Variants in CNTNAP2 observed in about 807,000 individuals in gnomAD.
The protein encoded by CNTNAP2 is contactin associated protein 2.
In CNTNAP2, 98 loss-of-function variants were observed where a neutral mutation model predicts 155.2. The ratio of observed to expected loss-of-function variants is 0.63; its 90% CI spans 0.54 to 0.75. The LOEUF is 0.75. CNTNAP2 is among the 30% of genes least tolerant of loss of function. The probability of loss-of-function intolerance (pLI) is 0.00; values close to 1 mark genes in which losing one functional copy is unlikely to be tolerated. For synonymous variants in CNTNAP2, 651 were observed against 631.2 expected (o/e 1.03, Z -0.47); for missense variants, 1,727 against 1,688.1 (o/e 1.02, Z -0.40).
chr7:146,680,012 T>C (rs974078691), intron 1 of CNTNAP2, among the ~76,000 whole-genome samples: 5 of 152,188 alleles, frequency 3.3e-5, no homozygotes, highest in African/African-American at 9.7e-5. Flanking sequence ...CATTTAAAAA[T>C]ACATATGTAG....
chr7:147,247,773 A>G (rs547250052), intron 8 of CNTNAP2, among the ~76,000 whole-genome samples: 4 of 152,304 alleles, frequency 2.6e-5, no homozygotes, highest in Admixed American at 2.6e-4. Context: ...TAGGGACTAA[A>G]TGTTACATAT....
chr7:148,312,639 G>A (rs1383958739), intron 21 of CNTNAP2, among the ~76,000 whole-genome samples: 1 of 152,060 alleles, frequency 6.6e-6, no homozygotes, highest in Non-Finnish European at 1.5e-5. Flanking sequence ...TGGTTGATAA[G>A]GCGCAGATCC....
chr7:147,328,823 C>T (rs953166046), intron 9 of CNTNAP2, among the ~76,000 whole-genome samples: 3 of 128,448 alleles, frequency 2.3e-5, no homozygotes, highest in Non-Finnish European at 4.9e-5. Context: ...TCTCTTGGTG[C>T]AGCAGTGGTT....
intron 4 of CNTNAP2, among the ~76,000 whole-genome samples, chr7:147,061,787 AC>A (rs1207715377): frequency 1.3e-5 from 2 of 152,200 alleles, no homozygotes; most frequent in Non-Finnish European, 2.9e-5. Flanking sequence ...ACAAAAAAAC[AC>A]TAGCTGAATA....
In CNTNAP2 at chr7:146,993,485, T is replaced by G. The variant is rs571948479; in HGVS notation, c.403-50422T>G. Among the ~76,000 whole-genome samples, 141 of 152,040 alleles carry G rather than the reference T, an allele frequency of 9.3e-4. 1 individual carries two copies. The highest frequency in any genetic ancestry group is 4.9e-4 in the Non-Finnish European group (33 of 67,956). Reference sequence around the variant, plus strand: ...TGCTGATTGCATCACCAGTTTCAGGTTTTTTTTCTATCTATTGGGAGACTG... The same window carrying G: ...TGCTGATTGCATCACCAGTTTCAGGGTTTTTTTCTATCTATTGGGAGACTG... On this transcript the variant is annotated intron_variant, in intron 3 of 23. Transcript: ENST00000361727.
intron 1 of CNTNAP2, among the ~76,000 whole-genome samples, chr7:146,565,878 A>G (rs554260837): frequency 6.6e-6 from 1 of 152,390 alleles, no homozygotes; most frequent in Non-Finnish European, 1.5e-5. Flanking sequence ...CTATATTTGC[A>G]GAGTAATCAA....
At chr7:146,801,351 C>T (rs1802874231) in intron 2 of CNTNAP2, among the ~76,000 whole-genome samples, 1 of 152,142 alleles carries the variant, frequency 6.6e-6, no homozygotes, top group South Asian at 2.1e-4. Flanking sequence ...ACATTTGTGG[C>T]CACATTTCCA....
In CNTNAP2 at chr7:146,839,794, A is replaced by G. The variant is rs760112389; in HGVS notation, c.292A>G (p.Ile98Val). The stretch of plus-strand genomic sequence containing the variant: ...TGGCAATCGGAAGCAGATCAGTGCC[A>G]TTGCAACCCAAGGAAGGTATAGCAG... ...DFGNRKQISA[I>V]ATQGRYSSSD... is the part of the protein sequence containing the mutation. Residue 98 changes from isoleucine to valine, a missense_variant, in exon 3 of 24, where the codon ATT (isoleucine) becomes GTT (valine). Physicochemically the swap from Ile to Val is conservative, Grantham distance 29 (BLOSUM62 3). Transcript: ENST00000361727. 4 of 1,614,184 alleles carry G rather than the reference A, an allele frequency of 2.5e-6. No homozygotes were observed. The highest frequency in any genetic ancestry group is 3.4e-6 in the Non-Finnish European group (4 of 1,180,024).
At chr7:147,562,399 G>T in intron 12 of CNTNAP2, 142 bp downstream of exon 12, 1 of 1,093,390 alleles carries the variant, frequency 9.1e-7, no homozygotes, top group Non-Finnish European at 1.4e-6. Context: ...TGTTAGATAA[G>T]ATGATGAAAT....
intron 1 of CNTNAP2, among the ~76,000 whole-genome samples, chr7:146,328,463 T>C (rs927715437): frequency 3.9e-5 from 6 of 152,050 alleles, no homozygotes; most frequent in African/African-American, 1.4e-4. Flanking sequence ...ATTTGTACAT[T>C]GTGAAAAGAC....
intron 1 of CNTNAP2, among the ~76,000 whole-genome samples, chr7:146,261,507 C>CA (rs1269058729): frequency 3.3e-5 from 5 of 151,562 alleles, no homozygotes; most frequent in African/African-American, 1.2e-4. Flanking sequence ...GAGGGCACAC[C>CA]AAAAAATCAC....
At chr7:146,730,018 CAATT>C (rs1364343947) in intron 1 of CNTNAP2, among the ~76,000 whole-genome samples, 1 of 152,066 alleles carries the variant, frequency 6.6e-6, no homozygotes, top group Non-Finnish European at 1.5e-5. Context: ...GCTTCATACA[CAATT>C]AATTGTGAGC....
At chr7:146,517,965 A>G (rs933324196) in intron 1 of CNTNAP2, among the ~76,000 whole-genome samples, 3 of 151,932 alleles carry the variant, frequency 2.0e-5, no homozygotes, top group South Asian at 2.1e-4. Flanking sequence ...GAGATCTACT[A>G]TTAAGATTCC....
intron 13 of CNTNAP2, among the ~76,000 whole-genome samples, chr7:147,761,935 C>T (rs751840713): frequency 1.3e-5 from 2 of 152,038 alleles, no homozygotes; most frequent in African/African-American, 4.8e-5. Flanking sequence ...AAAAAAAATA[C>T]ATGCATGTTA....
intron 13 of CNTNAP2, among the ~76,000 whole-genome samples, chr7:147,733,251 G>T (rs185551795): frequency 1.9e-4 from 29 of 151,984 alleles, no homozygotes; most frequent in African/African-American, 7.0e-4. Flanking sequence ...TTCTACATAT[G>T]GCTAGTCAGT....
chr7:146,741,820 C>A (rs1413030481), intron 1 of CNTNAP2, among the ~76,000 whole-genome samples: 3 of 152,010 alleles, frequency 2.0e-5, no homozygotes, highest in Non-Finnish European at 4.4e-5. Flanking sequence ...AATAAGAATA[C>A]ATTCTATAAT....
Position 146,647,759 on chromosome 7 carries a change from T to C in CNTNAP2, c.98-126512T>C, listed in dbSNP as rs546399674. On this transcript the variant is annotated intron_variant, in intron 1 of 23. Coordinates refer to ENST00000361727, the MANE Select transcript of CNTNAP2 (RefSeq NM_014141.6). ...GATCCCAACAGTTAGAAGCAATCAT[T>C]CTCTCCTGTCAGCTTTCATATCTCT... 3.9e-5 allele frequency among the ~76,000 whole-genome samples: 6 copies of C among 152,290 alleles called. No individual in the cohort carries two copies. The South Asian group carries it at 1.2e-3, about 32-fold the overall frequency.
At chr7:146,376,795 C>T (rs1795310101) in intron 1 of CNTNAP2, among the ~76,000 whole-genome samples, 1 of 152,088 alleles carries the variant, frequency 6.6e-6, no homozygotes, top group Non-Finnish European at 1.5e-5. Flanking sequence ...GCTCCATCTG[C>T]CCTCATGAAT....
rs77865969 is a variant in CNTNAP2 at position 147,727,317 on chromosome 7, A to C, written c.2098+88011A>C. 4.0e-3 allele frequency among the ~76,000 whole-genome samples: 610 copies of C among 152,062 alleles called. 6 individuals are homozygous for C. Among genetic ancestry groups the C allele is most frequent in the African/African-American group, 0.014 (579 of 41,498 alleles). On this transcript the variant is annotated intron_variant, in intron 13 of 23. Coordinates refer to ENST00000361727, the MANE Select transcript of CNTNAP2 (RefSeq NM_014141.6). Reference sequence around the variant, plus strand: ...AACCTGATACCTTTCTGAGAGTAGAATATGAGACCTAGTTTAGGTACCAGG... The same window carrying C: ...AACCTGATACCTTTCTGAGAGTAGACTATGAGACCTAGTTTAGGTACCAGG...
Sources: gnomAD v4.1 joint callset for allele counts (sites outside exome capture counted in the v4.1 genomes callset) on GRCh38, gnomAD v4.1.1 for gene constraint, MANE v1.5 for transcripts, NCBI Gene and HGNC (gene_info 2026-07-23, HGNC 2026-07-21) for gene names.